The following PTPRD variants were observed in gnomAD, a reference collection of about 807,000 sequenced individuals.
PTPRD encodes receptor-type tyrosine-protein phosphatase delta.
In PTPRD, 34 loss-of-function variants were observed where a neutral mutation model predicts 214.5. The observed-to-expected ratio is 0.16, with a 90% CI of 0.12 to 0.21. The LOEUF is 0.21. PTPRD is among the 10% of genes least tolerant of loss of function. The probability of loss-of-function intolerance (pLI) is 1.00; values close to 1 mark genes in which losing one functional copy is unlikely to be tolerated. For missense variants in PTPRD, 2,545 were observed against 2,398.7 expected, an observed-to-expected ratio of 1.06 and a Z score of -1.27; for synonymous variants, 1,128 against 845.7, an observed-to-expected ratio of 1.33 and a Z score of -5.79.
chr9:9,709,162 A>G (rs1232831274), intron 7 of PTPRD, among the ~76,000 whole-genome samples: 2 of 152,016 alleles, frequency 1.3e-5, no homozygotes, highest in South Asian at 2.1e-4. Flanking sequence ...AAACAAACTG[A>G]ATATTTTTAA....
intron 14 of PTPRD, among the ~76,000 whole-genome samples, chr9:8,563,484 C>T (rs1253697674): frequency 6.8e-6 from 1 of 146,768 alleles, no homozygotes; most frequent in Non-Finnish European, 1.5e-5. Flanking sequence ...GTCACCCAGG[C>T]TGGAGTGCAG....
intron 30 of PTPRD, among the ~76,000 whole-genome samples, chr9:8,481,770 C>T (rs1190964180): frequency 7.0e-6 from 1 of 142,062 alleles, no homozygotes; most frequent in Non-Finnish European, 1.5e-5. Flanking sequence ...AAATGCATAT[C>T]TATAATCTGT....
In PTPRD at chr9:9,902,129, T is replaced by C. The variant is rs560237749; in HGVS notation, c.-368+36378A>G. 1.1e-3 allele frequency among the ~76,000 whole-genome samples: 174 copies of C among 152,296 alleles called. No homozygotes were observed. In the Middle Eastern group the frequency reaches 0.017, roughly 15 times the overall value. ...CCAAAGGTTTACTGTTTTCATATAA[T>C]TGATATGTGTTTTCCATCAGCCTTA... On this transcript the variant is annotated intron_variant, in intron 5 of 45. Transcript: ENST00000381196.
intron 4 of PTPRD, among the ~76,000 whole-genome samples, chr9:9,995,438 A>G (rs1289707898): frequency 6.6e-6 from 1 of 152,200 alleles, no homozygotes; most frequent in Admixed American, 6.5e-5. Context: ...GATATTAAAA[A>G]TGGTCTAAGA....
intron 14 of PTPRD, among the ~76,000 whole-genome samples, chr9:8,598,706 A>T (rs755411362): frequency 6.6e-6 from 1 of 152,172 alleles, no homozygotes; most frequent in Non-Finnish European, 1.5e-5. Context: ...AGTATCCTTC[A>T]TCATGAATGG....
chr9:8,761,862 T>C (rs1395465322), intron 11 of PTPRD, among the ~76,000 whole-genome samples: 6 of 152,184 alleles, frequency 3.9e-5, no homozygotes, highest in African/African-American at 1.2e-4. Context: ...GTTTTAAATA[T>C]ATTTGCAAAG....
chr9:10,422,734 G>A (rs1028300601), intron 2 of PTPRD, among the ~76,000 whole-genome samples: 18 of 152,026 alleles, frequency 1.2e-4, no homozygotes, highest in Non-Finnish European at 2.2e-4. Context: ...TCAGAGAAAT[G>A]CAAATCAAAA....
At chr9:10,083,507 G>T (rs2098276948) in intron 3 of PTPRD, among the ~76,000 whole-genome samples, 1 of 152,004 alleles carries the variant, frequency 6.6e-6, no homozygotes, top group Non-Finnish European at 1.5e-5. Context: ...ATTTTTATCA[G>T]CAAATTCATG....
chr9:10,151,036 T>C (rs921349682), intron 3 of PTPRD, among the ~76,000 whole-genome samples: 1 of 150,072 alleles, frequency 6.7e-6, no homozygotes, highest in Non-Finnish European at 1.5e-5. Context: ...TATGAGTGTA[T>C]ACTTTCTAGA....
chr9:10,060,940 C>CTT lies in PTPRD; in HGVS notation c.-544-27152_-544-27151dup, dbSNP rs1389432704. On this transcript the variant is annotated intron_variant, in intron 3 of 45. Transcript: ENST00000381196. ...TCTTTCTTTCTTTCTTTCTTTCTTT[C>CTT]TTTCTTTCTTTCTCTCTCTTCCTTT... Among the ~76,000 whole-genome samples the CTT allele has an allele frequency of 5.5e-4, 70 of 127,522 alleles. 2 individuals are homozygous for CTT. The highest frequency in any genetic ancestry group is 1.6e-4 in the Non-Finnish European group (10 of 62,928). The allele number at this position is 127,522 out of a possible 152,430, so 83.7% of individuals were successfully genotyped here. A position where few individuals can be genotyped will look rare whatever the true frequency, so the allele number is the denominator to read the frequency against.
intron 3 of PTPRD, among the ~76,000 whole-genome samples, chr9:10,238,784 A>G (rs924731394): frequency 6.6e-6 from 1 of 152,002 alleles, no homozygotes; most frequent in Non-Finnish European, 1.5e-5. Flanking sequence ...AAGAAACAAA[A>G]GTTGGGATAA....
intron 5 of PTPRD, among the ~76,000 whole-genome samples, chr9:9,839,699 C>T (rs566739876): frequency 1.3e-5 from 2 of 152,180 alleles, no homozygotes; most frequent in South Asian, 2.1e-4. Flanking sequence ...TTGGAAAAAA[C>T]GACTTTAAAG....
At chr9:9,448,299 C>A (rs568295974) in intron 8 of PTPRD, among the ~76,000 whole-genome samples, 2 of 152,032 alleles carry the variant, frequency 1.3e-5, no homozygotes, top group Admixed American at 6.6e-5. Context: ...AGTCCCCACA[C>A]GAGGAGGGAG....
rs796686770 is a variant in PTPRD, at chr9:9,964,574, G to A, written c.-471-25964C>T. On this transcript the variant is annotated intron_variant, in intron 4 of 45. Coordinates refer to ENST00000381196, the MANE Select transcript of PTPRD (RefSeq NM_002839.4). ...AGGAAATCCTCTTGACGTGGGTTAG[G>A]AGTGGGGCAAATCTACTTTTCCATT... Among the ~76,000 whole-genome samples, 10 of 152,304 alleles carry A rather than the reference G, an allele frequency of 6.6e-5. 1 individual carries two copies. The highest frequency in any genetic ancestry group is 2.4e-4 in the African/African-American group (10 of 41,562).
chr9:8,353,749 C>A (rs537422762), intron 39 of PTPRD, among the ~76,000 whole-genome samples: 2 of 151,584 alleles, frequency 1.3e-5, no homozygotes, highest in South Asian at 4.2e-4. Context: ...TGCCCATTGC[C>A]TCTTCTAACC....
intron 10 of PTPRD, among the ~76,000 whole-genome samples, chr9:9,182,356 A>C (rs1167787349): frequency 6.6e-6 from 1 of 152,032 alleles, no homozygotes; most frequent in Non-Finnish European, 1.5e-5. Context: ...CTTTAAACTG[A>C]GGATGCAAAA....
intron 8 of PTPRD, among the ~76,000 whole-genome samples, chr9:9,522,083 G>A (rs984142855): frequency 3.3e-5 from 5 of 151,356 alleles, no homozygotes; most frequent in Non-Finnish European, 7.4e-5. Context: ...CTTGAAACTG[G>A]GAGGCGGAGG....
intron 2 of PTPRD, among the ~76,000 whole-genome samples, chr9:10,488,000 C>G (rs915330638): frequency 6.7e-6 from 1 of 149,898 alleles, no homozygotes; most frequent in African/African-American, 2.5e-5. Context: ...CTCTCTCTCT[C>G]TCTCTCTGTT....
chr9:10,443,114 G>T (rs1484343931), intron 2 of PTPRD, among the ~76,000 whole-genome samples: 2 of 150,572 alleles, frequency 1.3e-5, no homozygotes, highest in African/African-American at 4.9e-5. Flanking sequence ...GGCCTGGATG[G>T]TGTTTGTGTT....
Sources: gnomAD v4.1 joint callset for allele counts (sites outside exome capture counted in the v4.1 genomes callset) on GRCh38, gnomAD v4.1.1 for gene constraint, MANE v1.5 for transcripts, NCBI Gene and HGNC (gene_info 2026-07-23, HGNC 2026-07-21) for gene names.